Variants in PRKAR1B observed in about 807,000 individuals in gnomAD.
PRKAR1B encodes protein kinase cAMP-dependent type I regulatory subunit beta.
PRKAR1B carries 22 observed loss-of-function variants against 46.5 expected under a neutral mutation model. That is an observed-to-expected ratio of 0.47 (90% CI 0.34 to 0.68). The LOEUF (loss-of-function observed/expected upper bound fraction) is 0.68. PRKAR1B is among the 30% of genes least tolerant of loss of function. The probability of loss-of-function intolerance (pLI) is 0.01; values close to 1 mark genes in which losing one functional copy is unlikely to be tolerated. For synonymous variants in PRKAR1B, 259 were observed against 217.7 expected (o/e 1.19, Z -1.67); for missense variants, 445 against 535.6 (o/e 0.83, Z 1.67).
rs1343511898 is a variant in PRKAR1B, at chr7:593,234, C to T, written c.708+2912G>A. ...CTCTGGGATCCTAAACTGGAGTCAGCGTTCACATTTTGGGCGGTGGTCTAC... is the reference window on the plus strand; with the variant it reads ...CTCTGGGATCCTAAACTGGAGTCAGTGTTCACATTTTGGGCGGTGGTCTAC... On this transcript the variant is annotated intron_variant, in intron 7 of 10. Transcript: ENST00000537384. This position sits in a 1 kb window ranked among gnomAD's most constrained non-coding sequence, Gnocchi z 6.1. Among the ~76,000 whole-genome samples the T allele has an allele frequency of 6.6e-6, 1 of 152,084 alleles. No homozygotes were observed. Among genetic ancestry groups the T allele is most frequent in the Admixed American group, 6.5e-5 (1 of 15,278 alleles).
chr7:569,107 C>T (rs1779347011), intron 9 of PRKAR1B, among the ~76,000 whole-genome samples: 1 of 151,594 alleles, frequency 6.6e-6, no homozygotes, highest in South Asian at 2.1e-4. Context: ...AAGGCAAAGG[C>T]ACTTGTCAAA....
chr7:597,173 G>A (rs1315405707), intron 6 of PRKAR1B, among the ~76,000 whole-genome samples: 2 of 152,250 alleles, frequency 1.3e-5, no homozygotes, highest in African/African-American at 2.4e-5. Context: ...AGTTCCCATT[G>A]GCAAAGCAGT....
At chr7:727,467 C>A (rs1781381862), upstream of PRKAR1B, 1 of 332,814 alleles carries the variant, frequency 3.0e-6, no homozygotes, top group Non-Finnish European at 5.0e-6. Context: ...CGCCGCTTCC[C>A]CCACCCGCCT....
At chr7:597,010 G>A (rs916889274) in intron 6 of PRKAR1B, among the ~76,000 whole-genome samples, 4 of 152,260 alleles carry the variant, frequency 2.6e-5, no homozygotes, top group Non-Finnish European at 2.9e-5. Context: ...CGCCGCCCCC[G>A]CACAGGGTGC....
chr7:589,501 A>G (rs1242467510), intron 7 of PRKAR1B, among the ~76,000 whole-genome samples: 2 of 151,782 alleles, frequency 1.3e-5, no homozygotes, highest in African/African-American at 4.8e-5. Flanking sequence ...CTCCCCAGCA[A>G]TCAGGCACCT....
chr7:647,990 T>C (rs1360634314), intron 4 of PRKAR1B, among the ~76,000 whole-genome samples: 1 of 150,620 alleles, frequency 6.6e-6, no homozygotes, highest in African/African-American at 2.4e-5. Context: ...TACAAAAAAT[T>C]TAAAAATTAG....
chr7:675,905 G>C (rs769968984), intron 4 of PRKAR1B, among the ~76,000 whole-genome samples: 1 of 152,096 alleles, frequency 6.6e-6, no homozygotes, highest in African/African-American at 2.4e-5. Flanking sequence ...AAGATCATAC[G>C]ACTGCAGTCC....
At chr7:641,187 C>T (rs112603531) in intron 4 of PRKAR1B, among the ~76,000 whole-genome samples, 24,648 of 152,104 alleles carry the variant, frequency 0.16, 2,139 homozygotes, top group East Asian at 0.19. Context: ...CTCCCGACCT[C>T]ATGATCCGCC....
At chr7:650,970 T>C (rs1461770762) in intron 4 of PRKAR1B, among the ~76,000 whole-genome samples, 1 of 151,882 alleles carries the variant, frequency 6.6e-6, no homozygotes, top group East Asian at 1.9e-4. Context: ...AAAACAGTCC[T>C]AAGCATCATC....
chr7:681,915 G>A lies in PRKAR1B; in HGVS notation c.178-1189C>T, dbSNP rs115207924. Among the ~76,000 whole-genome samples, 1,427 of 152,296 alleles carry A rather than the reference G, an allele frequency of 9.4e-3. 21 individuals carry two copies. The highest frequency in any genetic ancestry group is 0.058 in the East Asian group (301 of 5,188). On this transcript the variant is annotated intron_variant, in intron 2 of 10. Transcript: ENST00000537384. ...CAGCCTAAACACTGACCTCCACCAC[G>A]CTCAAAGGTGGGCTTAGGACCAGAG...
At chr7:674,146 A>G (rs191248919) in intron 4 of PRKAR1B, among the ~76,000 whole-genome samples, 4 of 152,308 alleles carry the variant, frequency 2.6e-5, no homozygotes, top group Admixed American at 2.6e-4. Context: ...CCCAGAGACT[A>G]GGTCGTGGGT....
At chr7:676,531 T>C (rs1778307642) in intron 4 of PRKAR1B, among the ~76,000 whole-genome samples, 1 of 152,230 alleles carries the variant, frequency 6.6e-6, no homozygotes, top group South Asian at 2.1e-4. Context: ...CACCTGTGCC[T>C]GCCTAGGTAT....
At chr7:571,400 G>C (rs1448735494) in intron 9 of PRKAR1B, among the ~76,000 whole-genome samples, 1 of 152,226 alleles carries the variant, frequency 6.6e-6, no homozygotes, top group Non-Finnish European at 1.5e-5. Context: ...TTTGAACAAT[G>C]GGCCGTCCCC....
At chr7:620,262 G>C (rs541772424) in intron 4 of PRKAR1B, among the ~76,000 whole-genome samples, 1 of 152,164 alleles carries the variant, frequency 6.6e-6, no homozygotes, top group Admixed American at 6.5e-5. Flanking sequence ...ACATCATCAC[G>C]TTGAGTCATT....
chr7:691,399 T>C, intron 2 of PRKAR1B: 2 of 953,760 alleles, frequency 2.1e-6, no homozygotes, highest in Non-Finnish European at 3.0e-6. Flanking sequence ...CCAAATCCCC[T>C]GCCTGGTCAG....
rs117221178 is a variant in PRKAR1B at position 693,646 on chromosome 7, G to A, written c.178-12920C>T. Among the ~76,000 whole-genome samples the A allele has an allele frequency of 1.3e-4, 20 of 152,252 alleles. No individual in the cohort carries two copies. In the East Asian group the frequency reaches 3.9e-3, roughly 29 times the overall value. On this transcript the variant is annotated intron_variant, in intron 2 of 10. Coordinates refer to ENST00000537384, the MANE Select transcript of PRKAR1B (RefSeq NM_001164760.2). ...GAGAGGCCACACTGTTTGTCCTCTC[G>A]AGCTGACGGACGTGCGAGGTTTTCA... is the stretch of plus-strand genomic sequence containing the variant.
intron 1 of PRKAR1B, among the ~76,000 whole-genome samples, chr7:725,213 C>CA (rs572091049): frequency 0.023 from 1,996 of 85,662 alleles, 41 homozygotes; most frequent in African/African-American, 0.07. Context: ...GATTCCATCT[C>CA]AAAAAAAAAA....
chr7:578,021 T>A (rs9330374), intron 9 of PRKAR1B, among the ~76,000 whole-genome samples: 62,990 of 151,768 alleles, frequency 0.42, 13,660 homozygotes, highest in African/African-American at 0.47. Context: ...TCAGACCACA[T>A]TGCCATGGAA....
chr7:571,165 C>T (rs776541303), intron 9 of PRKAR1B, among the ~76,000 whole-genome samples: 143 of 152,228 alleles, frequency 9.4e-4, no homozygotes, highest in Middle Eastern at 3.4e-3. Context: ...AGCAGCACCA[C>T]GAGTAAGCAG....
Sources: gnomAD v4.1 joint callset for allele counts (sites outside exome capture counted in the v4.1 genomes callset) on GRCh38, gnomAD v4.1.1 for gene constraint, Gnocchi (gnomAD v3.1) non-coding constraint, MANE v1.5 for transcripts, NCBI Gene and HGNC (gene_info 2026-07-23, HGNC 2026-07-21) for gene names.